KCNIP4: variants seen among roughly 807,000 people sequenced by gnomAD.
KCNIP4 encodes potassium voltage-gated channel interacting protein 4, also known as Kv channel-interacting protein 4.
Under a neutral mutation model 34.0 loss-of-function variants are expected in KCNIP4, and 12 were observed. The ratio of observed to expected loss-of-function variants is 0.35; its 90% confidence interval spans 0.23 to 0.57. The LOEUF (loss-of-function observed/expected upper bound fraction) is 0.57, where lower values mean the gene tolerates loss of function less well. Among genes scored for constraint, KCNIP4 ranks in the 20% least tolerant of loss-of-function variants. KCNIP4 has a pLI of 0.83. For missense variants in KCNIP4, 238 were observed against 311.7 expected (o/e 0.76, Z 1.78); for synonymous variants, 124 against 102.2 (o/e 1.21, Z -1.29).
chr4:21,773,493 T>A (rs1226279222), intron 1 of KCNIP4, among the ~76,000 whole-genome samples: 1 of 152,188 alleles, frequency 6.6e-6, no homozygotes, highest in African/African-American at 2.4e-5. Context: ...TTCTCTTTGA[T>A]CTGTCTAATG....
chr4:21,254,187 G>C (rs1274640955), intron 1 of KCNIP4, among the ~76,000 whole-genome samples: 1 of 152,186 alleles, frequency 6.6e-6, no homozygotes, highest in East Asian at 1.9e-4. Flanking sequence ...TTCAGACATA[G>C]ATTTCCAGGT....
chr4:21,775,293 G>A (rs1719100482), intron 1 of KCNIP4, among the ~76,000 whole-genome samples: 1 of 152,114 alleles, frequency 6.6e-6, no homozygotes, highest in Non-Finnish European at 1.5e-5. Context: ...TGCCTGGAGA[G>A]GTCACTCAAG....
chr4:21,566,559 T>C (rs1444029774), intron 1 of KCNIP4, among the ~76,000 whole-genome samples: 1 of 152,098 alleles, frequency 6.6e-6, no homozygotes, highest in Non-Finnish European at 1.5e-5. Context: ...TCCTGAGTCC[T>C]CCCCAGCCAA....
chr4:21,937,768 G>A (rs895134647), intron 1 of KCNIP4, among the ~76,000 whole-genome samples: 24 of 152,008 alleles, frequency 1.6e-4, no homozygotes, highest in Non-Finnish European at 3.1e-4. Flanking sequence ...TTTGTCTGAT[G>A]TGTACTCTCT....
chr4:21,845,490 C>T (rs1214136523), intron 1 of KCNIP4: 1 of 152,078 alleles, frequency 6.6e-6, no homozygotes, highest in Non-Finnish European at 1.5e-5. Context: ...TTGCTTACCT[C>T]TGTCCTAAAT....
chr4:20,847,772 T>C (rs550038727), intron 3 of KCNIP4, among the ~76,000 whole-genome samples: 9 of 152,334 alleles, frequency 5.9e-5, no homozygotes, highest in African/African-American at 2.2e-4. Flanking sequence ...TGCCTGGCTA[T>C]GTTGAGCTAC....
intron 1 of KCNIP4, among the ~76,000 whole-genome samples, chr4:20,955,071 G>A (rs1430730667): frequency 6.6e-6 from 1 of 152,148 alleles, no homozygotes; most frequent in Non-Finnish European, 1.5e-5. Context: ...ATAGTTCTGT[G>A]ATTGTAACTC....
At chr4:21,004,845 G>A (rs1194613557) in intron 1 of KCNIP4, among the ~76,000 whole-genome samples, 2 of 151,982 alleles carry the variant, frequency 1.3e-5, no homozygotes, top group Admixed American at 6.6e-5. Context: ...GTGTGTTTCT[G>A]TTTTACGGGA....
intron 1 of KCNIP4, among the ~76,000 whole-genome samples, chr4:21,155,984 C>A (rs1753122902): frequency 6.6e-6 from 1 of 152,222 alleles, no homozygotes; most frequent in Admixed American, 6.5e-5. Flanking sequence ...CAACTTTATA[C>A]CACTTAGCTG....
rs143242526 is a variant in KCNIP4, at chr4:21,371,873, C to A, written c.62-489164G>T. On this transcript the variant is annotated intron_variant, in intron 1 of 8. Transcript: ENST00000382152. ...CTAACCCTGGAGATAATATAAGAAT[C>A]AAAATAGCTCTTAAAGTTCAACAGT... Among the ~76,000 whole-genome samples the A allele has an allele frequency of 2.0e-3, 301 of 147,054 alleles. 58 individuals carry two copies. Among genetic ancestry groups the A allele is most frequent in the African/African-American group, 8.0e-3 (294 of 36,814 alleles).
chr4:21,293,802 C>G (rs1763681438), intron 1 of KCNIP4, among the ~76,000 whole-genome samples: 1 of 152,106 alleles, frequency 6.6e-6, no homozygotes, highest in Admixed American at 6.5e-5. Flanking sequence ...TGGAAGTTAA[C>G]ATTTATTTAG....
intron 1 of KCNIP4, among the ~76,000 whole-genome samples, chr4:21,271,041 T>C (rs1464304846): frequency 6.6e-6 from 1 of 151,486 alleles, no homozygotes; most frequent in African/African-American, 2.4e-5. Context: ...AAAAGCTCTA[T>C]CCACTTATTT....
chr4:21,656,947 A>T (rs1301114209), intron 1 of KCNIP4: 1 of 152,192 alleles, frequency 6.6e-6, no homozygotes, highest in Non-Finnish European at 1.5e-5. Context: ...CCCCACACTT[A>T]GGATACTCCA....
At chr4:21,815,722 G>C (rs1487714626) in intron 1 of KCNIP4, among the ~76,000 whole-genome samples, 2 of 152,002 alleles carry the variant, frequency 1.3e-5, no homozygotes, top group African/African-American at 2.4e-5. Flanking sequence ...TAAAAGTACT[G>C]CCTGTAAAAA....
intron 1 of KCNIP4, among the ~76,000 whole-genome samples, chr4:20,997,397 T>C (rs913436002): frequency 3.9e-5 from 6 of 152,150 alleles, no homozygotes; most frequent in Non-Finnish European, 7.4e-5. Context: ...TCACATGTCC[T>C]CAGAGGCTGA....
intron 1 of KCNIP4, among the ~76,000 whole-genome samples, chr4:21,773,889 C>T (rs1577970264): frequency 2.0e-5 from 3 of 151,918 alleles, no homozygotes; most frequent in Non-Finnish European, 4.4e-5. Flanking sequence ...TTGACTCTAT[C>T]CAATTTGCCA....
chr4:20,890,000 G>A (rs959186534), intron 1 of KCNIP4, among the ~76,000 whole-genome samples: 1 of 151,930 alleles, frequency 6.6e-6, no homozygotes, highest in East Asian at 1.9e-4. Flanking sequence ...ATATACAGTG[G>A]CTACATAGAA....
intron 1 of KCNIP4, among the ~76,000 whole-genome samples, chr4:21,575,193 T>C (rs953570020): frequency 6.6e-6 from 1 of 151,250 alleles, no homozygotes; most frequent in Non-Finnish European, 1.5e-5. Flanking sequence ...GACAGCTGGG[T>C]AGCCATGGAG....
chr4:21,588,820 A>G (rs1174219182), intron 1 of KCNIP4, among the ~76,000 whole-genome samples: 1 of 151,710 alleles, frequency 6.6e-6, no homozygotes, highest in East Asian at 1.9e-4. Flanking sequence ...TTTTTTGTAT[A>G]TCATAGTATT....
Sources: gnomAD v4.1 joint callset for allele counts (sites outside exome capture counted in the v4.1 genomes callset) on GRCh38, gnomAD v4.1.1 for gene constraint, MANE v1.5 for transcripts, NCBI Gene and HGNC (gene_info 2026-07-23, HGNC 2026-07-21) for gene names.